The following AMMECR1 variants were observed in gnomAD, a reference collection of about 807,000 sequenced individuals.
The protein encoded by AMMECR1 is AMMECR nuclear protein 1, also known as nuclear protein AMMECR1.
In AMMECR1, 3 loss-of-function variants were observed where a neutral mutation model predicts 22.5. The ratio of observed to expected loss-of-function variants is 0.13; its 90% CI spans 0.06 to 0.35. AMMECR1 has a LOEUF of 0.35. Ranked by LOEUF, AMMECR1 falls within the 10% of genes least tolerant of loss-of-function variation. The probability of loss-of-function intolerance (pLI) is 1.00; values close to 1 mark genes in which losing one functional copy is unlikely to be tolerated. For missense variants in AMMECR1, 235 were observed against 278.7 expected (o/e 0.84, Z 1.12); for synonymous variants, 130 against 116.7 (o/e 1.11, Z -0.74).
At chrX:110,438,399 G>C (rs1039375620) in intron 1 of AMMECR1, among the ~76,000 whole-genome samples, 1 of 111,744 alleles carries the variant, frequency 8.9e-6, no homozygotes, top group African/African-American at 3.3e-5. Context: ...TGCCAAGACA[G>C]GACTTGGATT....
intron 1 of AMMECR1, among the ~76,000 whole-genome samples, chrX:110,277,787 C>T (rs1335159754): frequency 9.0e-6 from 1 of 111,377 alleles, no homozygotes; most frequent in Non-Finnish European, 1.9e-5. Flanking sequence ...GAAATTAAAG[C>T]ACTCAGGTAG....
chrX:110,280,752 G>C (rs895602814), intron 1 of AMMECR1, among the ~76,000 whole-genome samples: 22 of 111,543 alleles, frequency 2.0e-4, no homozygotes, highest in Non-Finnish European at 3.6e-4. Flanking sequence ...GTATGGTTTT[G>C]TATAGTTTTG....
chrX:110,261,380 T>C (rs1477797767), intron 2 of AMMECR1, among the ~76,000 whole-genome samples: 2 of 111,552 alleles, frequency 1.8e-5, no homozygotes, highest in Non-Finnish European at 3.8e-5. Flanking sequence ...TGTTTTTTGT[T>C]TTGCTTTCTC....
Position 110,317,958 on chromosome X carries a change from C to T in AMMECR1, c.114G>A (p.Gln38=). The T allele has an allele frequency of 5.0e-6, 6 of 1,199,736 alleles. No individual in the cohort carries two copies. The highest frequency in any genetic ancestry group is 6.7e-6 in the Non-Finnish European group (6 of 889,626). ...SSSSHCSGES[Q]CRAGELGLGG... ...CTAGTCCCAGCTCCCCAGCTCGGCA[C>T]TGGCTCTCTCCGCTGCAGTGGGAGG... The change falls in exon 1 of 6, where the codon CAG becomes CAA. Residue 38 remains glutamine (Q), a synonymous_variant. Coordinates refer to ENST00000262844, the MANE Select transcript of AMMECR1 (RefSeq NM_015365.3).
At chrX:110,434,856 G>C (rs775905547) in intron 1 of AMMECR1, among the ~76,000 whole-genome samples, 1 of 110,205 alleles carries the variant, frequency 9.1e-6, no homozygotes, top group East Asian at 2.9e-4. Flanking sequence ...CAGGGCAAGG[G>C]CTAGGGACAG....
intron 2 of AMMECR1, chrX:110,358,948 G>A (rs969399236): frequency 9.0e-6 from 1 of 111,562 alleles, no homozygotes; most frequent in African/African-American, 3.3e-5. Context: ...TATCTAACAC[G>A]TTCTTCTATA....
intron 1 of AMMECR1, among the ~76,000 whole-genome samples, chrX:110,429,734 G>A (rs998503294): frequency 2.7e-5 from 3 of 111,379 alleles, no homozygotes; most frequent in Admixed American, 9.5e-5. Flanking sequence ...CACCTGTCTC[G>A]GCCTCCCAAA....
At chrX:110,377,444 G>A (rs1348836832) in intron 2 of AMMECR1, among the ~76,000 whole-genome samples, 1 of 111,445 alleles carries the variant, frequency 9.0e-6, no homozygotes, top group Non-Finnish European at 1.9e-5. Context: ...GAACATTGCA[G>A]TAAATCACTG....
At chrX:110,426,094 A>G (rs1266152877) in intron 2 of AMMECR1, among the ~76,000 whole-genome samples, 5 of 111,822 alleles carry the variant, frequency 4.5e-5, no homozygotes, top group Non-Finnish European at 9.4e-5. Context: ...TTCTGGAGAG[A>G]AGTAATTTGA....
At chrX:110,202,585 GAAAGA>G (rs752938961) in intron 3 of AMMECR1, 49 bp from the exon 4 acceptor site, 1 of 815,485 alleles carries the variant, frequency 1.2e-6, no homozygotes, top group African/African-American at 2.1e-5. Flanking sequence ...CATAGAATCA[GAAAGA>G]AAAGGTTATA....
chrX:110,302,398 C>T (rs184740401), intron 1 of AMMECR1, among the ~76,000 whole-genome samples: 156 of 111,435 alleles, frequency 1.4e-3, no homozygotes, highest in Non-Finnish European at 2.1e-3. Context: ...ATTCTACCAT[C>T]TCCCAAAAAT....
intron 1 of AMMECR1, among the ~76,000 whole-genome samples, chrX:110,303,970 C>A (rs971820233): frequency 8.9e-6 from 1 of 112,221 alleles, no homozygotes; most frequent in Non-Finnish European, 1.9e-5. Context: ...AGTTTAAGTT[C>A]TAAACTTATG....
rs750441098 is a variant in AMMECR1 at position 110,259,872 on chromosome X, C to T, written c.584+4617G>A. 3.6e-5 allele frequency among the ~76,000 whole-genome samples: 4 copies of T among 111,346 alleles called. No homozygotes were observed. In the East Asian group the frequency reaches 8.4e-4, roughly 23 times the overall value. On this transcript the variant is annotated intron_variant, in intron 2 of 5. Transcript: ENST00000262844. ...TACTGGGATTACAGGCGTGAGCCAC[C>T]GCGCCCGGCCAGGAATCTTTTTTGA... is the stretch of plus-strand genomic sequence containing the variant.
At chrX:110,344,590 A>T (rs2148240237) in intron 2 of AMMECR1, among the ~76,000 whole-genome samples, 1 of 111,254 alleles carries the variant, frequency 9.0e-6, no homozygotes, top group South Asian at 3.8e-4. Flanking sequence ...TTTGCAATCC[A>T]CCCATCTGAC....
intron 2 of AMMECR1, among the ~76,000 whole-genome samples, chrX:110,392,887 G>A (rs1404097017): frequency 8.9e-6 from 1 of 112,206 alleles, no homozygotes; most frequent in Non-Finnish European, 1.9e-5. Flanking sequence ...TTGATGGTAT[G>A]TATATGTGAG....
At chrX:110,204,067 A>C (rs2067410146) in intron 3 of AMMECR1, among the ~76,000 whole-genome samples, 1 of 111,634 alleles carries the variant, frequency 9.0e-6, no homozygotes. Flanking sequence ...AAGAAATATG[A>C]GCGCTTAGCT....
chrX:110,266,671 G>A (rs913422597), intron 1 of AMMECR1, among the ~76,000 whole-genome samples: 26 of 109,502 alleles, frequency 2.4e-4, no homozygotes, highest in East Asian at 8.5e-4. Flanking sequence ...GTGAGACACC[G>A]TGCCCAGCCT....
chrX:110,226,669 C>T (rs753513697), intron 2 of AMMECR1, among the ~76,000 whole-genome samples: 6 of 111,278 alleles, frequency 5.4e-5, no homozygotes, highest in Non-Finnish European at 7.5e-5. Flanking sequence ...AAATTAGGAC[C>T]GCCTGCCTCT....
chrX:110,274,333 C>T (rs752830234), intron 1 of AMMECR1, among the ~76,000 whole-genome samples: 1 of 112,063 alleles, frequency 8.9e-6, no homozygotes, highest in Non-Finnish European at 1.9e-5. Flanking sequence ...CTATCAATTA[C>T]TGAATTAATA....
Sources: allele counts gnomAD v4.1 joint callset (sites outside exome capture counted in the v4.1 genomes callset), GRCh38; gene constraint gnomAD v4.1.1; transcripts MANE v1.5; gene names NCBI Gene and HGNC (gene_info 2026-07-23, HGNC 2026-07-21).